The following CCDC7 variants were observed in gnomAD, a reference collection of about 807,000 sequenced individuals.
CCDC7 encodes the protein coiled-coil domain-containing protein 7.
CCDC7 carries 183 observed loss-of-function variants against 196.9 expected under a neutral mutation model. The observed-to-expected ratio is 0.93, with a 90% CI of 0.82 to 1.05. The LOEUF (loss-of-function observed/expected upper bound fraction) is 1.05, where lower values mean the gene tolerates loss of function less well. Among genes scored for constraint, CCDC7 ranks in the 50% least tolerant of loss-of-function variants. CCDC7 has a pLI of 0.00. For synonymous variants in CCDC7, 525 were observed against 484.6 expected, an observed-to-expected ratio of 1.08 and a Z score of -1.10; for missense variants, 1,540 against 1,482.2, an observed-to-expected ratio of 1.04 and a Z score of -0.64.
At chr10:32,723,011 C>A (rs1160125752) in intron 25 of CCDC7, among the ~76,000 whole-genome samples, 1 of 152,100 alleles carries the variant, frequency 6.6e-6, no homozygotes, top group Non-Finnish European at 1.5e-5. Flanking sequence ...GTCTCCAGTT[C>A]ACCTCCAGCT....
intron 18 of CCDC7, among the ~76,000 whole-genome samples, chr10:32,616,614 G>A (rs1248105629): frequency 4.6e-5 from 7 of 151,236 alleles, no homozygotes; most frequent in African/African-American, 1.2e-4. Flanking sequence ...CAGTGAACAG[G>A]GATAATTTGA....
At chr10:32,464,117 C>T (rs2036273807) in intron 5 of CCDC7, among the ~76,000 whole-genome samples, 1 of 152,182 alleles carries the variant, frequency 6.6e-6, no homozygotes. Context: ...ATCCAAAACC[C>T]TGGCTTCTCA....
intron 8 of CCDC7, among the ~76,000 whole-genome samples, chr10:32,477,596 T>C (rs1459540618): frequency 6.6e-6 from 1 of 151,862 alleles, no homozygotes; most frequent in African/African-American, 2.4e-5. Context: ...TTCAGCATCA[T>C]TTGTTGAGAA....
chr10:32,485,404 G>GC (rs1355571165), intron 8 of CCDC7, among the ~76,000 whole-genome samples: 1 of 151,958 alleles, frequency 6.6e-6, no homozygotes, highest in African/African-American at 2.4e-5. Context: ...TATTAGTCTT[G>GC]CTAGTGGTCT....
intron 9 of CCDC7, among the ~76,000 whole-genome samples, chr10:32,493,140 G>A (rs1235679112): frequency 6.6e-6 from 1 of 151,072 alleles, no homozygotes; most frequent in African/African-American, 2.4e-5. Flanking sequence ...CTGAAATTTT[G>A]TACCCTTTGA....
chr10:32,872,945 G>A (rs1019934435), intron 41 of CCDC7, among the ~76,000 whole-genome samples: 5 of 151,802 alleles, frequency 3.3e-5, no homozygotes, highest in African/African-American at 1.2e-4. Context: ...TGGGTAACCG[G>A]TGTTTCTCTC....
chr10:32,617,577 C>A (rs2062918285), intron 18 of CCDC7, among the ~76,000 whole-genome samples: 2 of 151,730 alleles, frequency 1.3e-5, no homozygotes, highest in South Asian at 4.2e-4. Context: ...GTTTAAATTT[C>A]CATGTATTTT....
intron 21 of CCDC7, among the ~76,000 whole-genome samples, chr10:32,678,911 G>A (rs1046312794): frequency 6.6e-6 from 1 of 152,046 alleles, no homozygotes; most frequent in Non-Finnish European, 1.5e-5. Flanking sequence ...TCCTTGTCTG[G>A]TTGTTAAGTC....
chr10:32,701,129 G>A (rs1402940230), intron 24 of CCDC7, among the ~76,000 whole-genome samples: 2 of 152,156 alleles, frequency 1.3e-5, no homozygotes, highest in Non-Finnish European at 2.9e-5. Context: ...TCCCTGTCTT[G>A]TGCCAGTTTT....
At chr10:32,801,365 A>G (rs2084751848) in intron 29 of CCDC7, among the ~76,000 whole-genome samples, 1 of 152,144 alleles carries the variant, frequency 6.6e-6, no homozygotes, top group African/African-American at 2.4e-5. Flanking sequence ...GCCATCTTTT[A>G]ATCCATATTT....
At chr10:32,489,613 A>G (rs533429474) in intron 8 of CCDC7, among the ~76,000 whole-genome samples, 3 of 152,314 alleles carry the variant, frequency 2.0e-5, no homozygotes, top group African/African-American at 7.2e-5. Context: ...ATGCAGAGCA[A>G]CAGTGGTTCC....
intron 8 of CCDC7, among the ~76,000 whole-genome samples, chr10:32,482,126 T>A (rs1164601899): frequency 3.0e-4 from 45 of 151,918 alleles, no homozygotes; most frequent in Non-Finnish European, 4.4e-5. Flanking sequence ...ATTCCTATAA[T>A]GTAAATGATA....
chr10:32,449,771 C>T (rs1011714682), upstream of CCDC7, among the ~76,000 whole-genome samples: 6 of 152,138 alleles, frequency 3.9e-5, no homozygotes, highest in African/African-American at 7.2e-5. Flanking sequence ...GGAGGTGGGG[C>T]CTTTAGGAGG....
intron 28 of CCDC7, among the ~76,000 whole-genome samples, chr10:32,777,579 G>A (rs558995055): frequency 5.9e-5 from 9 of 152,166 alleles, no homozygotes; most frequent in African/African-American, 9.6e-5. Flanking sequence ...ATTCTGGGCC[G>A]GGTGTGGTGG....
intron 21 of CCDC7, among the ~76,000 whole-genome samples, chr10:32,683,077 C>T (rs4749748): frequency 0.14 from 21,056 of 152,100 alleles, 1,764 homozygotes; most frequent in East Asian, 0.25. Context: ...CCAAGTCCTA[C>T]ATCCAGAATG....
At chr10:32,725,892 G>A (rs1376939442) in intron 25 of CCDC7, among the ~76,000 whole-genome samples, 1 of 152,034 alleles carries the variant, frequency 6.6e-6, no homozygotes, top group African/African-American at 2.4e-5. Flanking sequence ...AGATTTGGAG[G>A]GGACTCATGT....
intron 41 of CCDC7, among the ~76,000 whole-genome samples, chr10:32,863,987 TAAAA>T (rs199761389): frequency 7.2e-6 from 1 of 138,198 alleles, no homozygotes; most frequent in African/African-American, 2.6e-5. Context: ...TACTGACTGG[TAAAA>T]AAAAAAAAAA....
intron 16 of CCDC7, among the ~76,000 whole-genome samples, chr10:32,581,746 T>G (rs1412248325): frequency 6.6e-6 from 1 of 152,152 alleles, no homozygotes; most frequent in Non-Finnish European, 1.5e-5. Flanking sequence ...CTCATTGTTA[T>G]AAGAAAATTG....
intron 3 of CCDC7, among the ~76,000 whole-genome samples, chr10:32,458,125 C>T (rs1203280788): frequency 6.6e-6 from 1 of 152,048 alleles, no homozygotes; most frequent in Non-Finnish European, 1.5e-5. Context: ...TGAAGCATTT[C>T]CTCTATGTTT....
Sources: gnomAD v4.1 joint callset for allele counts (sites outside exome capture counted in the v4.1 genomes callset) on GRCh38, gnomAD v4.1.1 for gene constraint, MANE v1.5 for transcripts, NCBI Gene and HGNC (gene_info 2026-07-23, HGNC 2026-07-21) for gene names.